Variants in GATAD2B observed in about 807,000 individuals in gnomAD.
GATAD2B encodes the protein transcriptional repressor p66-beta.
A neutral mutation model predicts 64.3 loss-of-function variants in GATAD2B; 8 were observed. The ratio of observed to expected loss-of-function variants is 0.12; its 90% CI spans 0.07 to 0.22. GATAD2B has a LOEUF of 0.22. Among genes scored for constraint, GATAD2B ranks in the 10% least tolerant of loss-of-function variants. The pLI is 1.00. For synonymous variants in GATAD2B, 281 were observed against 271.3 expected, an observed-to-expected ratio of 1.04 and a Z score of -0.35; for missense variants, 453 against 752.0, an observed-to-expected ratio of 0.60 and a Z score of 4.65.
intron 1 of GATAD2B, among the ~76,000 whole-genome samples, chr1:153,904,128 A>G (rs967830888): frequency 6.6e-6 from 1 of 152,016 alleles, no homozygotes; most frequent in Non-Finnish European, 1.5e-5. Flanking sequence ...AAAAATACAA[A>G]TATTAGCCGG....
At position 153,876,227 on chromosome 1, in the gene GATAD2B, CAAAAAAAAAAAAAAAA is replaced by C. The variant is rs71093296; in HGVS notation, c.-2+46490_-2+46505del. 4.3e-4 allele frequency among the ~76,000 whole-genome samples: 21 copies of C among 48,430 alleles called. 1 individual carries two copies. Among genetic ancestry groups the C allele is most frequent in the Admixed American group, 4.3e-3 (12 of 2,790 alleles). 31.8% of individuals were successfully genotyped at this position (48,430 alleles called of 152,430 possible). ...TGGGCAACACAGTGAGACTTCGTCT[CAAAAAAAAAAAAAAAA>C]AAAAAAAAAAAAAAAAAGATTTCAC... On this transcript the variant is annotated intron_variant, in intron 1 of 10. Transcript: ENST00000368655.
chr1:153,850,431 C>G (rs1301452673), intron 1 of GATAD2B, among the ~76,000 whole-genome samples: 1 of 152,098 alleles, frequency 6.6e-6, no homozygotes, highest in East Asian at 1.9e-4. Flanking sequence ...TCCTGAGTAG[C>G]TGGGATTACA....
intron 1 of GATAD2B, among the ~76,000 whole-genome samples, chr1:153,898,570 AC>A (rs1193662899): frequency 6.6e-6 from 1 of 151,684 alleles, no homozygotes; most frequent in East Asian, 1.9e-4. Flanking sequence ...TACTAAACAT[AC>A]AAAAAAAAAA....
chr1:153,827,977 G>T, intron 2 of GATAD2B, 36 bp downstream of exon 2: 1 of 1,484,348 alleles, frequency 6.7e-7, no homozygotes, highest in South Asian at 1.2e-5. Context: ...TTTATGAGAC[G>T]ACCCTATCCC....
At chr1:153,838,208 G>C (rs1337335990) in intron 1 of GATAD2B, among the ~76,000 whole-genome samples, 1 of 152,108 alleles carries the variant, frequency 6.6e-6, no homozygotes, top group African/African-American at 2.4e-5. Flanking sequence ...AGCAAGTACT[G>C]TGTATTCATG....
chr1:153,820,368 C>A (rs1674635100), intron 2 of GATAD2B, among the ~76,000 whole-genome samples: 1 of 152,130 alleles, frequency 6.6e-6, no homozygotes, highest in African/African-American at 2.4e-5. Flanking sequence ...ATCCTATTTA[C>A]TAGATAACTC....
intron 2 of GATAD2B, among the ~76,000 whole-genome samples, chr1:153,820,423 T>G (rs1674637122): frequency 6.6e-6 from 1 of 152,202 alleles, no homozygotes; most frequent in South Asian, 2.1e-4. Context: ...ATCATGCTTA[T>G]TTGTGTAAGA....
At chr1:153,833,201 T>A (rs6427300) in intron 1 of GATAD2B, among the ~76,000 whole-genome samples, 2 of 151,666 alleles carry the variant, frequency 1.3e-5, no homozygotes, top group Non-Finnish European at 2.9e-5. Flanking sequence ...CTGGACAACA[T>A]AGCAAGACTC....
intron 1 of GATAD2B, among the ~76,000 whole-genome samples, chr1:153,839,643 C>T (rs6427306): frequency 0.41 from 62,457 of 152,010 alleles, 13,967 homozygotes; most frequent in Non-Finnish European, 0.52. Context: ...GACAACAGTC[C>T]TAGTATTTAA....
chr1:153,830,771 G>A (rs939315763), intron 1 of GATAD2B, among the ~76,000 whole-genome samples: 11 of 151,872 alleles, frequency 7.2e-5, no homozygotes, highest in African/African-American at 1.9e-4. Flanking sequence ...CACCGCGCCC[G>A]GCCTTTTTAT....
chr1:153,814,331 C>T (rs1674383936), intron 7 of GATAD2B, among the ~76,000 whole-genome samples: 1 of 152,192 alleles, frequency 6.6e-6, no homozygotes, highest in Non-Finnish European at 1.5e-5. Flanking sequence ...GTTGTTAATA[C>T]TCTATAGTAT....
chr1:153,845,309 G>A (rs748398689), intron 1 of GATAD2B, among the ~76,000 whole-genome samples: 23 of 152,104 alleles, frequency 1.5e-4, no homozygotes, highest in South Asian at 1.2e-3. Context: ...TCAAGCACAG[G>A]AGGCTGAGGC....
At chr1:153,883,876 G>C (rs1677081568) in intron 1 of GATAD2B, among the ~76,000 whole-genome samples, 1 of 152,168 alleles carries the variant, frequency 6.6e-6, no homozygotes, top group African/African-American at 2.4e-5. Flanking sequence ...TAGTAGTCCA[G>C]AGGTACCTTC....
intron 1 of GATAD2B, among the ~76,000 whole-genome samples, chr1:153,872,565 A>AC (rs1259463650): frequency 1.1e-3 from 161 of 151,240 alleles, no homozygotes; most frequent in Middle Eastern, 3.4e-3. Context: ...AAAAAAAAAA[A>AC]CCCCACAAAA....
chr1:153,814,977 C>CAAA (rs58167495), intron 7 of GATAD2B, among the ~76,000 whole-genome samples: 1 of 107,270 alleles, frequency 9.3e-6, no homozygotes, highest in African/African-American at 3.3e-5. Flanking sequence ...GATTCCATCT[C>CAAA]AAAAAAAAAA....
chr1:153,827,377 C>T lies in GATAD2B; in HGVS notation c.335+636G>A, dbSNP rs556594241. Among the ~76,000 whole-genome samples the T allele has an allele frequency of 2.6e-5, 4 of 152,146 alleles. No homozygotes were observed. In the South Asian group the frequency reaches 8.3e-4, roughly 32 times the overall value. On this transcript the variant is annotated intron_variant, in intron 2 of 10. Transcript: ENST00000368655. Reference sequence around the variant, plus strand: ...CATTGGCCAGTTCCAGGTACCTCTCCTTACTGTGTGCTCTACAGTTTCAAG... The same window carrying T: ...CATTGGCCAGTTCCAGGTACCTCTCTTTACTGTGTGCTCTACAGTTTCAAG...
intron 1 of GATAD2B, among the ~76,000 whole-genome samples, chr1:153,849,580 T>C (rs906651931): frequency 6.6e-6 from 1 of 152,176 alleles, no homozygotes; most frequent in African/African-American, 2.4e-5. Context: ...CCCACATGCA[T>C]TCTATCTGTA....
intron 1 of GATAD2B, among the ~76,000 whole-genome samples, chr1:153,848,859 C>CAGAG (rs1213024722): frequency 6.6e-6 from 1 of 152,110 alleles, no homozygotes; most frequent in East Asian, 1.9e-4. Context: ...AAGGCTGAGG[C>CAGAG]AGAGAACTGC....
In GATAD2B at chr1:153,828,137, C is replaced by T; in HGVS notation, c.211G>A (p.Gly71Ser). 6.2e-7 allele frequency: 1 copy of T among 1,614,168 alleles called. No individual in the cohort carries two copies. The highest frequency in any genetic ancestry group is 8.5e-7 in the Non-Finnish European group (1 of 1,180,024). The part of the protein sequence containing the change: ...HELPTKQDGS[G>S]VKGYEEKLNG... ...AGTTTTTCTTCATAGCCCTTGACAC[C>T]ACTGCCATCCTGTTTGGTGGGTAAC... Residue 71 changes from glycine (G) to serine (S), a missense_variant, in exon 2 of 11, where the codon GGT becomes AGT. By Grantham distance (56) the Gly-to-Ser change is moderately conservative (BLOSUM62 0). Coordinates refer to ENST00000368655, the MANE Select transcript of GATAD2B (RefSeq NM_020699.4).
Sources: gnomAD v4.1 joint callset for allele counts (sites outside exome capture counted in the v4.1 genomes callset) on GRCh38, gnomAD v4.1.1 for gene constraint, MANE v1.5 for transcripts, NCBI Gene and HGNC (gene_info 2026-07-23, HGNC 2026-07-21) for gene names.